Variants in CDH2 observed in about 807,000 individuals in gnomAD.
The protein encoded by CDH2 is cadherin 2.
A neutral mutation model predicts 92.0 loss-of-function variants in CDH2; 17 were observed. That is an observed-to-expected ratio of 0.18 (90% CI 0.13 to 0.28). CDH2 has a LOEUF of 0.28. CDH2 is among the 10% of genes least tolerant of loss of function. The pLI, the probability that CDH2 is intolerant of heterozygous loss-of-function variation, is 1.00. For synonymous variants in CDH2, 419 were observed against 415.9 expected (o/e 1.01, Z -0.09); for missense variants, 862 against 1,133.1 (o/e 0.76, Z 3.44).
chr18:28,164,145 T>C (rs2016345248), intron 1 of CDH2, among the ~76,000 whole-genome samples: 1 of 152,188 alleles, frequency 6.6e-6, no homozygotes, highest in Admixed American at 6.5e-5. Flanking sequence ...ATATATAAAA[T>C]ACAAATGGAT....
intron 2 of CDH2, chr18:28,146,318 A>G (rs1176048732): frequency 6.6e-6 from 1 of 152,090 alleles, no homozygotes; most frequent in African/African-American, 2.4e-5. Context: ...CAGGTCATAC[A>G]AGTTCTAGGG....
intron 4 of CDH2, 83 bp from the exon 5 acceptor site, chr18:28,009,955 C>A (rs967409879): frequency 9.4e-7 from 1 of 1,059,546 alleles, no homozygotes; most frequent in African/African-American, 1.6e-5. Context: ...ACTTCATGCC[C>A]TTTTTCAGCT....
chr18:27,943,827 A>G (rs1246405062), intron 6 of CDH2, among the ~76,000 whole-genome samples: 1 of 152,158 alleles, frequency 6.6e-6, no homozygotes, highest in African/African-American at 2.4e-5. Context: ...TATTGTTCAC[A>G]TGAGGCCTGA....
chr18:28,043,465 T>TAAATATATATATATAA (rs1567976385), intron 2 of CDH2, among the ~76,000 whole-genome samples: 1 of 53,018 alleles, frequency 1.9e-5, no homozygotes, highest in African/African-American at 5.3e-5. Flanking sequence ...TAAATAAATA[T>TAAATATATATATATAA]ATATATATAT....
chr18:28,053,323 G>T (rs1490117781), intron 2 of CDH2, among the ~76,000 whole-genome samples: 1 of 152,124 alleles, frequency 6.6e-6, no homozygotes, highest in Non-Finnish European at 1.5e-5. Context: ...ATAAGTATTA[G>T]ACATTTTTAA....
At chr18:28,126,596 CA>C (rs1323052458) in intron 2 of CDH2, among the ~76,000 whole-genome samples, 6 of 152,068 alleles carry the variant, frequency 3.9e-5, no homozygotes, top group African/African-American at 1.4e-4. Context: ...AAAATAAGGT[CA>C]GGGGGCTTCT....
At chr18:28,029,272 G>GT (rs1485422289) in intron 2 of CDH2, among the ~76,000 whole-genome samples, 3 of 152,050 alleles carry the variant, frequency 2.0e-5, no homozygotes, top group Non-Finnish European at 4.4e-5. Context: ...TTTTAATGTA[G>GT]TAACATAACA....
chr18:28,133,723 A>T (rs962948432), intron 2 of CDH2, among the ~76,000 whole-genome samples: 12 of 152,136 alleles, frequency 7.9e-5, no homozygotes, highest in Non-Finnish European at 1.5e-4. Flanking sequence ...CTAGCTCTTA[A>T]CAACAAGTAT....
At chr18:27,941,625 G>T (rs1909141683) in intron 6 of CDH2, among the ~76,000 whole-genome samples, 1 of 152,158 alleles carries the variant, frequency 6.6e-6, no homozygotes, top group Non-Finnish European at 1.5e-5. Flanking sequence ...ATTTCTGAAA[G>T]ATTCCTATAC....
Position 28,110,493 on chromosome 18 carries a change from G to C in CDH2, c.172+37180C>G, listed in dbSNP as rs528893688. On this transcript the variant is annotated intron_variant, in intron 2 of 15. Coordinates refer to ENST00000269141, the MANE Select transcript of CDH2 (RefSeq NM_001792.5). The stretch of plus-strand genomic sequence containing the variant: ...CTGCGGCCAAATGCACACAGCAATG[G>C]CCAATTCTCATTGCAAAAGCCTTTG... 6.2e-4 allele frequency among the ~76,000 whole-genome samples: 95 copies of C among 152,194 alleles called. 1 individual carries two copies. The highest frequency in any genetic ancestry group is 2.2e-3 in the African/African-American group (91 of 41,542).
At chr18:27,989,919 TTATATCTAA>T (rs2012355814) in intron 10 of CDH2, among the ~76,000 whole-genome samples, 169 bp downstream of exon 10, 1 of 152,196 alleles carries the variant, frequency 6.6e-6, no homozygotes, top group African/African-American at 2.4e-5. Flanking sequence ...AGATATCTAT[TTATATCTAA>T]TATAGTCATT....
At chr18:28,080,277 G>A (rs1387882092) in intron 2 of CDH2, among the ~76,000 whole-genome samples, 1 of 152,128 alleles carries the variant, frequency 6.6e-6, no homozygotes, top group African/African-American at 2.4e-5. Context: ...TGAAAACCAC[G>A]AATAACACCA....
chr18:28,091,032 C>T (rs2015027594), intron 2 of CDH2, among the ~76,000 whole-genome samples: 1 of 152,192 alleles, frequency 6.6e-6, no homozygotes, highest in Admixed American at 6.5e-5. Flanking sequence ...ATTGATTTTG[C>T]ATTTAATTGC....
chr18:27,964,799 G>C (rs1001629630), intron 14 of CDH2, among the ~76,000 whole-genome samples: 11 of 152,124 alleles, frequency 7.2e-5, no homozygotes, highest in Non-Finnish European at 8.8e-5. Flanking sequence ...TTAAGAAAAG[G>C]ATTCTGACTC....
chr18:27,945,008 T>C (rs1415131061), intron 6 of CDH2, among the ~76,000 whole-genome samples: 1 of 152,210 alleles, frequency 6.6e-6, no homozygotes, highest in Non-Finnish European at 1.5e-5. Context: ...ATCGTTAGCA[T>C]ATCCATTTGT....
intron 2 of CDH2, among the ~76,000 whole-genome samples, chr18:28,099,466 T>C: frequency 6.6e-6 from 1 of 152,202 alleles, no homozygotes; most frequent in East Asian, 1.9e-4. Context: ...ACATTTTATG[T>C]TTGTAGTCAC....
chr18:28,041,201 A>G (rs558438969), intron 2 of CDH2, among the ~76,000 whole-genome samples: 3 of 152,344 alleles, frequency 2.0e-5, no homozygotes, highest in Non-Finnish European at 4.4e-5. Context: ...TTAGAAAATA[A>G]TGAAATCTTT....
At chr18:27,976,707 G>C (rs865867669) in intron 14 of CDH2, among the ~76,000 whole-genome samples, 2 of 152,224 alleles carry the variant, frequency 1.3e-5, no homozygotes, top group Middle Eastern at 6.8e-3. Context: ...CCTAACACAG[G>C]GTACACCAAA....
At chr18:27,947,426 TTCAA>T (rs1277318397), downstream of CDH2, among the ~76,000 whole-genome samples, 2 of 151,840 alleles carry the variant, frequency 1.3e-5, no homozygotes, top group African/African-American at 2.4e-5. Context: ...CTTTTCACAA[TTCAA>T]TCAAATTTTG....
Sources: allele counts gnomAD v4.1 joint callset (sites outside exome capture counted in the v4.1 genomes callset), GRCh38; gene constraint gnomAD v4.1.1; transcripts MANE v1.5; gene names NCBI Gene and HGNC (gene_info 2026-07-23, HGNC 2026-07-21).